Variants in TENM3 observed in about 807,000 individuals in gnomAD.
TENM3 encodes teneurin transmembrane protein 3.
TENM3 carries 63 observed loss-of-function variants against 255.1 expected under a neutral mutation model. The ratio of observed to expected loss-of-function variants is 0.25; its 90% CI spans 0.20 to 0.30. The LOEUF (loss-of-function observed/expected upper bound fraction) is 0.30, where lower values mean the gene tolerates loss of function less well. TENM3 is among the 10% of genes least tolerant of loss of function. The probability of loss-of-function intolerance (pLI) is 1.00; values close to 1 mark genes in which losing one functional copy is unlikely to be tolerated. For synonymous variants in TENM3, 1,306 were observed against 1,322.3 expected, an observed-to-expected ratio of 0.99 and a Z score of 0.27; for missense variants, 2,929 against 3,461.1, an observed-to-expected ratio of 0.85 and a Z score of 3.86.
At chr4:181,595,298 A>C in the TENM3 span, among the ~76,000 whole-genome samples, 7,878 of 151,884 alleles carry the variant, frequency 0.052, 316 homozygotes, top group South Asian at 0.14. Flanking sequence ...AGGCATGGTG[A>C]TGTCCACCTG....
chr4:182,241,518 C>CTTTCTTTTT (rs1201901411), upstream of TENM3, among the ~76,000 whole-genome samples: 2 of 114,280 alleles, frequency 1.8e-5, no homozygotes, highest in African/African-American at 7.7e-5. Context: ...TTTTTTCTTT[C>CTTTCTTTTT]TTTTTTTTTT....
At chr4:182,656,116 A>G (rs562992946) in intron 6 of TENM3, among the ~76,000 whole-genome samples, 16 of 152,298 alleles carry the variant, frequency 1.1e-4, no homozygotes, top group African/African-American at 3.6e-4. Flanking sequence ...GCACCTGTAT[A>G]TACATATAAG....
At chr4:182,735,954 T>A (rs1203254095) in intron 16 of TENM3, among the ~76,000 whole-genome samples, 6 of 152,318 alleles carry the variant, frequency 3.9e-5, no homozygotes, top group Admixed American at 3.9e-4. Context: ...AGATAATTCT[T>A]ATGCACATAA....
intron 3 of TENM3, among the ~76,000 whole-genome samples, chr4:182,385,184 G>A (rs575049429): frequency 6.7e-6 from 1 of 150,040 alleles, no homozygotes; most frequent in Non-Finnish European, 1.5e-5. Context: ...TGACAAGAAT[G>A]TTGAGTTGAG....
intron 1 of TENM3, among the ~76,000 whole-genome samples, chr4:182,228,727 A>C (rs1404543709): frequency 6.6e-6 from 1 of 152,162 alleles, no homozygotes; most frequent in African/African-American, 2.4e-5. Context: ...TTTAGGATGA[A>C]CCATCAAGCT....
intron 3 of TENM3, among the ~76,000 whole-genome samples, chr4:182,448,201 A>G (rs1383970137): frequency 6.6e-6 from 1 of 152,280 alleles, no homozygotes; most frequent in East Asian, 1.9e-4. Context: ...ACGAGGGCGC[A>G]GAGCAGCCCC....
chr4:181,684,892 C>A, the TENM3 span, among the ~76,000 whole-genome samples: 1 of 143,924 alleles, frequency 6.9e-6, no homozygotes, highest in Admixed American at 7.1e-5. Context: ...ATAGCTGGGA[C>A]TACAGGTGTG....
At chr4:182,064,071 T>C in the TENM3 span, among the ~76,000 whole-genome samples, 3 of 152,100 alleles carry the variant, frequency 2.0e-5, no homozygotes, top group East Asian at 1.9e-4. Context: ...TTGCCAGTTA[T>C]ATGTTTTATT....
chr4:182,476,422 G>T (rs934715076), intron 3 of TENM3, among the ~76,000 whole-genome samples: 2 of 152,138 alleles, frequency 1.3e-5, no homozygotes, highest in Admixed American at 1.3e-4. Context: ...TTTCTGTGAT[G>T]CTGGAGAAAT....
chr4:182,311,184 C>T (rs1762423432), intron 1 of TENM3, among the ~76,000 whole-genome samples: 1 of 152,186 alleles, frequency 6.6e-6, no homozygotes, highest in Non-Finnish European at 1.5e-5. Context: ...TCGTCTTTTC[C>T]CTGAAGAAGC....
intron 3 of TENM3, among the ~76,000 whole-genome samples, chr4:182,363,639 G>C (rs1176411574): frequency 2.0e-5 from 3 of 151,804 alleles, no homozygotes; most frequent in African/African-American, 7.3e-5. Flanking sequence ...GTATACAAAA[G>C]GTAACCATAA....
chr4:181,566,671 T>C, the TENM3 span, among the ~76,000 whole-genome samples: 13 of 152,180 alleles, frequency 8.5e-5, no homozygotes, highest in African/African-American at 3.1e-4. Flanking sequence ...CGTCTGGTTT[T>C]CAGCTGTTGT....
intron 3 of TENM3, among the ~76,000 whole-genome samples, chr4:182,446,838 C>T (rs1772954570): frequency 6.6e-6 from 1 of 152,120 alleles, no homozygotes; most frequent in Non-Finnish European, 1.5e-5. Flanking sequence ...CATCTTCATC[C>T]TCTGCCCTAG....
At chr4:182,480,516 T>A (rs1734093581) in intron 3 of TENM3, among the ~76,000 whole-genome samples, 1 of 152,024 alleles carries the variant, frequency 6.6e-6, no homozygotes, top group Non-Finnish European at 1.5e-5. Flanking sequence ...AGTTTGCTTG[T>A]AGGCCTTAAG....
At chr4:181,546,024 C>A in the TENM3 span, among the ~76,000 whole-genome samples, 4 of 152,300 alleles carry the variant, frequency 2.6e-5, no homozygotes, top group Non-Finnish European at 4.4e-5. Flanking sequence ...ACAGAGGAAG[C>A]TTTCACACAC....
At chr4:182,654,543 G>A (rs1753597311) in intron 6 of TENM3, among the ~76,000 whole-genome samples, 1 of 152,068 alleles carries the variant, frequency 6.6e-6, no homozygotes, top group Admixed American at 6.6e-5. Flanking sequence ...GTGTGTACAT[G>A]TCTTGGCCTT....
intron 24 of TENM3, among the ~76,000 whole-genome samples, chr4:182,779,694 A>G (rs1370774679): frequency 5.3e-5 from 8 of 151,452 alleles, no homozygotes; most frequent in Non-Finnish European, 7.4e-5. Flanking sequence ...AAGTGTTCCT[A>G]TTTCTCCACA....
the TENM3 span, among the ~76,000 whole-genome samples, chr4:182,120,082 T>A: frequency 3.7e-3 from 11 of 3,004 alleles, no homozygotes; most frequent in East Asian, 0.33. Flanking sequence ...AATACACACA[T>A]GCGTGCGTGC....
At chr4:182,532,952 A>G (rs1739921589) in intron 3 of TENM3, among the ~76,000 whole-genome samples, 1 of 152,210 alleles carries the variant, frequency 6.6e-6, no homozygotes, top group Admixed American at 6.5e-5. Flanking sequence ...TGGATAATAA[A>G]TGCACCTTTC....
Sources: allele counts gnomAD v4.1 joint callset (sites outside exome capture counted in the v4.1 genomes callset), GRCh38; gene constraint gnomAD v4.1.1; transcripts MANE v1.5; gene names NCBI Gene and HGNC (gene_info 2026-07-23, HGNC 2026-07-21).